Variants in BAALC observed in about 807,000 individuals in gnomAD.
BAALC encodes BAALC binder of MAP3K1 and KLF4, also known as brain and acute leukemia cytoplasmic protein.
In BAALC, 9 loss-of-function variants were observed where a neutral mutation model predicts 15.5. That is an observed-to-expected ratio of 0.58 (90% CI 0.35 to 1.02). BAALC has a LOEUF of 1.02. Among genes scored for constraint, BAALC ranks in the 50% least tolerant of loss-of-function variants. The pLI is 0.02. For missense variants in BAALC, 201 were observed against 192.4 expected, an observed-to-expected ratio of 1.04 and a Z score of -0.27; for synonymous variants, 80 against 74.6, an observed-to-expected ratio of 1.07 and a Z score of -0.37.
chr8:103,209,965 A>T (rs2130058285), intron 1 of BAALC, among the ~76,000 whole-genome samples: 1 of 152,296 alleles, frequency 6.6e-6, no homozygotes, highest in East Asian at 1.9e-4. Flanking sequence ...TCCAGTCTGA[A>T]TGACACCAAA....
At chr8:103,167,314 A>C (rs1402584057) in intron 1 of BAALC, among the ~76,000 whole-genome samples, 1 of 152,142 alleles carries the variant, frequency 6.6e-6, no homozygotes, top group African/African-American at 2.4e-5. Context: ...ATCTAGGAGG[A>C]GTCCTTGTGG....
intron 1 of BAALC, among the ~76,000 whole-genome samples, chr8:103,158,846 A>G (rs372251620): frequency 1.5e-3 from 224 of 152,298 alleles, no homozygotes; most frequent in African/African-American, 5.3e-3. Flanking sequence ...GGTTGACCAC[A>G]GGTAACTGAG....
chr8:103,218,755 G>A (rs1586441158), intron 2 of BAALC, among the ~76,000 whole-genome samples: 1 of 152,234 alleles, frequency 6.6e-6, no homozygotes, highest in East Asian at 1.9e-4. Flanking sequence ...AACTAGCATG[G>A]GGACTGATTC....
At position 103,226,809 on chromosome 8, in the gene BAALC, T is replaced by C. The variant is rs550958671; in HGVS notation, c.328-1180T>C. Among the ~76,000 whole-genome samples, 3 of 152,332 alleles carry C rather than the reference T, an allele frequency of 2.0e-5. No individual in the cohort carries two copies. In the South Asian group the frequency reaches 6.2e-4, roughly 32 times the overall value. On this transcript the variant is annotated intron_variant, in intron 2 of 2. Coordinates refer to ENST00000309982, the MANE Select transcript of BAALC (RefSeq NM_024812.3). ...GTGACAGTCATTGTACTAAGTACCT[T>C]ACATGCATTACCTTATTTAATCCAT...
At chr8:103,199,229 GC>G (rs1358725966) in intron 1 of BAALC, among the ~76,000 whole-genome samples, 126 of 152,242 alleles carry the variant, frequency 8.3e-4, no homozygotes, top group Non-Finnish European at 1.3e-3. Flanking sequence ...TCTGCCAATT[GC>G]CCTCCAAAAT....
chr8:103,213,182 C>A, intron 2 of BAALC, 97 bp downstream of exon 2: 5 of 1,314,060 alleles, frequency 3.8e-6, no homozygotes, highest in Non-Finnish European at 5.1e-6. Flanking sequence ...AGGGAGGGAC[C>A]AGGGATGGCT....
intron 2 of BAALC, among the ~76,000 whole-genome samples, chr8:103,217,903 G>C (rs549511665): frequency 2.6e-5 from 4 of 152,310 alleles, no homozygotes; most frequent in African/African-American, 9.6e-5. Context: ...AGACAGACAT[G>C]GCTTTTGCTC....
chr8:103,195,673 A>G (rs1354206766), intron 1 of BAALC, among the ~76,000 whole-genome samples: 1 of 152,192 alleles, frequency 6.6e-6, no homozygotes, highest in Non-Finnish European at 1.5e-5. Context: ...AAGAGCAAGC[A>G]TGGTTCATGT....
chr8:103,226,619 G>A (rs1364284757), intron 2 of BAALC, among the ~76,000 whole-genome samples: 1 of 152,158 alleles, frequency 6.6e-6, no homozygotes, highest in African/African-American at 2.4e-5. Flanking sequence ...TCTCTTTTAG[G>A]GGATGGAGAG....
At chr8:103,173,091 G>C (rs964564125) in intron 1 of BAALC, among the ~76,000 whole-genome samples, 1 of 152,162 alleles carries the variant, frequency 6.6e-6, no homozygotes, top group African/African-American at 2.4e-5. Flanking sequence ...GGATCCTTTT[G>C]ATTTTTGAGG....
Position 103,140,915 on chromosome 8 carries a change from C to G in BAALC, c.18C>G (p.Ser6Arg). 6.6e-7 allele frequency: 1 copy of G among 1,518,170 alleles called. No individual in the cohort carries two copies. Among genetic ancestry groups the G allele is most frequent in the Non-Finnish European group, 8.8e-7 (1 of 1,133,692 alleles). The allele number at this position is 1,518,170 out of a possible 1,614,324, so 94.0% of individuals were successfully genotyped here. ...GCAGGAGGATGGGCTGCGGCGGGAGCCGGGCGGATGCCATCGAGCCCCGCT... is the reference window on the plus strand; with the variant it reads ...GCAGGAGGATGGGCTGCGGCGGGAGGCGGGCGGATGCCATCGAGCCCCGCT... MGCGG[S>R]RADAIEPRYY... The change falls in exon 1 of 3, where the codon AGC becomes AGG. Residue 6 changes from serine (S) to arginine (R), a missense_variant. Coordinates refer to ENST00000309982, the MANE Select transcript of BAALC (RefSeq NM_024812.3). The surrounding 1 kb of genome is among the most constrained non-coding windows in gnomAD (Gnocchi z 4.2).
intron 1 of BAALC, among the ~76,000 whole-genome samples, chr8:103,156,638 G>A (rs1442749459): frequency 1.3e-5 from 2 of 152,186 alleles, no homozygotes; most frequent in Non-Finnish European, 2.9e-5. Flanking sequence ...TCTAACAGGC[G>A]TGAGGAATAA....
chr8:103,179,927 A>G (rs1400110225), intron 1 of BAALC, among the ~76,000 whole-genome samples: 2 of 152,242 alleles, frequency 1.3e-5, no homozygotes, highest in Non-Finnish European at 1.5e-5. Flanking sequence ...TCCCAGCTCC[A>G]TGATCAAAGA....
chr8:103,145,773 C>T (rs185566910), intron 1 of BAALC, among the ~76,000 whole-genome samples: 23 of 152,204 alleles, frequency 1.5e-4, no homozygotes, highest in Non-Finnish European at 2.2e-4. Flanking sequence ...GTGACTAGAA[C>T]GTAGGTGGCG....
chr8:103,142,834 A>T (rs930888412), intron 1 of BAALC, among the ~76,000 whole-genome samples: 2 of 152,144 alleles, frequency 1.3e-5, no homozygotes, highest in East Asian at 3.9e-4. Context: ...CCCATCCATC[A>T]TGAGATCTGG....
At chr8:103,147,313 G>A (rs1810897103) in intron 1 of BAALC, among the ~76,000 whole-genome samples, 1 of 152,162 alleles carries the variant, frequency 6.6e-6, no homozygotes, top group South Asian at 2.1e-4. Context: ...AGAATATGTA[G>A]AAAGAATGAA....
intron 1 of BAALC, among the ~76,000 whole-genome samples, chr8:103,187,689 C>T (rs73699741): frequency 0.17 from 25,514 of 152,096 alleles, 2,499 homozygotes; most frequent in African/African-American, 0.27. Context: ...CATGCTCCTC[C>T]CCTCTGACCT....
intron 1 of BAALC, among the ~76,000 whole-genome samples, chr8:103,166,471 G>A (rs1021152874): frequency 6.6e-6 from 1 of 152,130 alleles, no homozygotes; most frequent in African/African-American, 2.4e-5. Flanking sequence ...GAGCAGATGT[G>A]TGGGAGGGTA....
At chr8:103,222,813 G>C (rs1203504385) in intron 2 of BAALC, among the ~76,000 whole-genome samples, 1 of 152,136 alleles carries the variant, frequency 6.6e-6, no homozygotes, top group Non-Finnish European at 1.5e-5. Context: ...AACTTTTAGA[G>C]TTATTGTTGT....
Sources: gnomAD v4.1 joint callset for allele counts (sites outside exome capture counted in the v4.1 genomes callset) on GRCh38, gnomAD v4.1.1 for gene constraint, Gnocchi (gnomAD v3.1) non-coding constraint, MANE v1.5 for transcripts, NCBI Gene and HGNC (gene_info 2026-07-23, HGNC 2026-07-21) for gene names.